Variants in CDH15 observed in about 807,000 individuals in gnomAD.
CDH15 encodes the protein cadherin-15.
A neutral mutation model predicts 69.4 loss-of-function variants in CDH15; 73 were observed. That is an observed-to-expected ratio of 1.05 (90% CI 0.87 to 1.28). The LOEUF (loss-of-function observed/expected upper bound fraction) is 1.28, where lower values mean the gene tolerates loss of function less well. Ranked by LOEUF, CDH15 falls within the 50% of genes most tolerant of loss-of-function variation. The probability of loss-of-function intolerance (pLI) is 0.00; values close to 1 mark genes in which losing one functional copy is unlikely to be tolerated. For synonymous variants in CDH15, 624 were observed against 507.7 expected (o/e 1.23, Z -3.08); for missense variants, 1,343 against 1,133.6 (o/e 1.18, Z -2.65).
At chr16:89,191,970 C>A (rs1915657326) in intron 10 of CDH15, 76 bp downstream of exon 10, 2 of 1,405,942 alleles carry the variant, frequency 1.4e-6, no homozygotes, top group South Asian at 2.6e-5. Context: ...CGGACGGGGG[C>A]AGGAGGGTGA....
In CDH15 at chr16:89,171,839, C is replaced by T. The variant is rs1035647933; in HGVS notation, c.8C>T (p.Ala3Val). The change falls in exon 1 of 14, where the codon GCC (alanine) becomes GTC (valine). Residue 3 changes from alanine to valine, a missense_variant. Physicochemically the swap from Ala to Val is moderately conservative, Grantham distance 64. Transcript: ENST00000289746. MD[A>V]AFLLVLGLLA... ...GCTCCCGCCTCGGCCCCGATGGACGCCGCGTTCCTCCTCGTCCTCGGGCTG... is the reference window on the plus strand; with the variant it reads ...GCTCCCGCCTCGGCCCCGATGGACGTCGCGTTCCTCCTCGTCCTCGGGCTG... 2 of 1,559,102 alleles carry T rather than the reference C, an allele frequency of 1.3e-6. No individual in the cohort carries two copies. Among genetic ancestry groups the T allele is most frequent in the Non-Finnish European group, 1.7e-6 (2 of 1,155,386 alleles).
At chr16:89,186,243 C>T (rs1307902213) in intron 5 of CDH15, 1 of 77,988 alleles carries the variant, frequency 1.3e-5, no homozygotes, top group Non-Finnish European at 2.6e-5. Context: ...TCTGTAAACG[C>T]TCACCCAGTG....
At chr16:89,171,894 G>T (rs1215943093) in intron 1 of CDH15, 21 bp downstream of exon 1, 4 of 1,548,264 alleles carry the variant, frequency 2.6e-6, no homozygotes, top group Non-Finnish European at 3.5e-6. Context: ...GGCACCTGCG[G>T]GGGTCCCCGC....
At chr16:89,174,904 C>A (rs566325782) in intron 1 of CDH15, among the ~76,000 whole-genome samples, 1 of 152,154 alleles carries the variant, frequency 6.6e-6, no homozygotes, top group Admixed American at 6.5e-5. Flanking sequence ...TCCTGGGCAC[C>A]GGATGTCCCG....
chr16:89,186,391 T>A (rs552878798), intron 5 of CDH15, among the ~76,000 whole-genome samples: 117 of 128,738 alleles, frequency 9.1e-4, no homozygotes, highest in Middle Eastern at 5.0e-3. Flanking sequence ...CAGCGCACAG[T>A]AGGTGCTCTG....
At chr16:89,181,287 C>G (rs1915372323) in intron 3 of CDH15, among the ~76,000 whole-genome samples, 1 of 152,098 alleles carries the variant, frequency 6.6e-6, no homozygotes. Context: ...GGGAAGAAAC[C>G]ACTGATGCCC....
intron 7 of CDH15, among the ~76,000 whole-genome samples, chr16:89,188,812 TGGCACAC>T (rs1915561086): frequency 1.2e-5 from 1 of 83,928 alleles, no homozygotes; most frequent in African/African-American, 5.0e-5. Context: ...ACACACATGC[TGGCACAC>T]AGATGCCCAC....
intron 1 of CDH15, among the ~76,000 whole-genome samples, chr16:89,172,309 A>G (rs1915174240): frequency 6.6e-6 from 1 of 152,014 alleles, no homozygotes. Flanking sequence ...ACCCCTGGCT[A>G]GTCTTGGGTT....
chr16:89,179,319 GC>G, intron 1 of CDH15, 96 bp from the exon 2 acceptor site: 3 of 1,402,594 alleles, frequency 2.1e-6, no homozygotes, highest in Non-Finnish European at 3.0e-6. Flanking sequence ...GAAACACTGC[GC>G]CCCGTGGCCT....
chr16:89,182,047 A>C (rs1008513385), intron 3 of CDH15, among the ~76,000 whole-genome samples: 1 of 150,124 alleles, frequency 6.7e-6, no homozygotes, highest in Non-Finnish European at 1.5e-5. Flanking sequence ...AGCCCAGAAA[A>C]CCAGAACCCC....
chr16:89,179,440 C>T lies in CDH15; in HGVS notation c.67C>T (p.Pro23Ser), dbSNP rs1277720835. 6.2e-7 allele frequency: 1 copy of T among 1,613,636 alleles called. No homozygotes were observed. Among genetic ancestry groups the T allele is most frequent in the Admixed American group, 1.7e-5 (1 of 60,016 alleles). The change falls in exon 2 of 14, where the codon CCT becomes TCT. Residue 23 changes from proline (P) to serine (S), a missense_variant. By Grantham distance (74) the Pro-to-Ser change is moderately conservative. Coordinates refer to ENST00000289746, the MANE Select transcript of CDH15 (RefSeq NM_004933.3). ...GAGCCTCTGCCTGTCTTTGGGGGTT[C>T]CTGGATGGAGGAGGCCCACCACCCT... ...AQSLCLSLGV[P>S]GWRRPTTLYP...
Position 89,179,405 on chromosome 16 carries a change from C to G in CDH15, c.43-11C>G. The G allele has an allele frequency of 1.9e-6, 3 of 1,613,512 alleles. No individual in the cohort carries two copies. The highest frequency in any genetic ancestry group is 2.5e-6 in the Non-Finnish European group (3 of 1,179,854). The stretch of plus-strand genomic sequence containing the variant: ...AGACGGTACTGTGGGACGCATCTGT[C>G]TTTGTTGCAGAGCCTCTGCCTGTCT... On this transcript the variant is annotated splice_polypyrimidine_tract_variant and intron_variant, in intron 1 of 13. Coordinates refer to ENST00000289746, the MANE Select transcript of CDH15 (RefSeq NM_004933.3).
Position 89,191,310 on chromosome 16 carries a change from C to T in CDH15, c.1233-20C>T. On this transcript the variant is annotated intron_variant, in intron 8 of 13. Transcript: ENST00000289746. ...CCCTGGGGTAAACTCAGATCCCACT[C>T]TTCCCCTCCCCTGCATCAGCTACTC... The T allele has an allele frequency of 1.2e-6, 2 of 1,612,598 alleles. No individual in the cohort carries two copies. Among genetic ancestry groups the T allele is most frequent in the Non-Finnish European group, 1.7e-6 (2 of 1,179,932 alleles).
At position 89,192,353 on chromosome 16, in the gene CDH15, C is replaced by G; in HGVS notation, c.1764C>G (p.Cys588Trp). 6.5e-7 allele frequency: 1 copy of G among 1,537,052 alleles called. No homozygotes were observed. The highest frequency in any genetic ancestry group is 8.7e-7 in the Non-Finnish European group (1 of 1,147,978). Residue 588 changes from cysteine to tryptophan, a missense_variant, in exon 11 of 14, where the codon TGC becomes TGG. Transcript: ENST00000289746. The stretch of plus-strand genomic sequence containing the variant: ...GCCGCTGCGGCAAGGACGGCGTCTG[C>G]CTGCCGGGGGCCGCAGCGCTGCTGG... ...TVCRCGKDGV[C>W]LPGAAALLAG...
chr16:89,180,447 C>A (rs148904837), intron 3 of CDH15, 92 bp downstream of exon 3: 3 of 1,410,460 alleles, frequency 2.1e-6, no homozygotes, highest in African/African-American at 1.4e-5. Context: ...CCTCCCCGCT[C>A]GGTGGGCTTC....
Position 89,190,413 on chromosome 16 carries a change from C to A in CDH15, c.1149C>A (p.Ser383Arg). 1.2e-6 allele frequency: 2 copies of A among 1,612,154 alleles called. No individual in the cohort carries two copies. The highest frequency in any genetic ancestry group is 3.3e-4 in the Middle Eastern group (2 of 6,062). Residue 383 changes from serine to arginine, a missense_variant, in exon 8 of 14, where the codon AGC (serine) becomes AGA (arginine). By Grantham distance (110) the Ser-to-Arg change is moderately radical. Coordinates refer to ENST00000289746, the MANE Select transcript of CDH15 (RefSeq NM_004933.3). ...TCCAGGAGAACCCACTTCGGACCAG[C>A]CTAGCAGAGGGGGCACCCCCAGGCA... is the stretch of plus-strand genomic sequence containing the variant. ...PVFQENPLRT[S>R]LAEGAPPGTL...
At chr16:89,186,308 G>A (rs1429726998) in intron 5 of CDH15, 1 of 118,386 alleles carries the variant, frequency 8.4e-6, no homozygotes, top group Non-Finnish European at 1.8e-5. Context: ...CTCTGTAAAC[G>A]CTCACCCAGC....
intron 1 of CDH15, among the ~76,000 whole-genome samples, chr16:89,174,968 C>T (rs969676990): frequency 2.6e-5 from 4 of 152,308 alleles, no homozygotes; most frequent in East Asian, 1.9e-4. Flanking sequence ...TCTTCTGGGA[C>T]GGGGATGGGG....
intron 5 of CDH15, among the ~76,000 whole-genome samples, chr16:89,187,067 C>A (rs1464431493): frequency 6.6e-6 from 1 of 151,710 alleles, no homozygotes; most frequent in Admixed American, 6.6e-5. Flanking sequence ...TTACCCCGGG[C>A]ACACAAGGTG....
Sources: gnomAD v4.1 joint callset for allele counts (sites outside exome capture counted in the v4.1 genomes callset) on GRCh38, gnomAD v4.1.1 for gene constraint, MANE v1.5 for transcripts, NCBI Gene and HGNC (gene_info 2026-07-23, HGNC 2026-07-21) for gene names.